CERS3: variants seen among roughly 807,000 people sequenced by gnomAD.
The protein encoded by CERS3 is LAG1 homolog, ceramide synthase 3.
CERS3 carries 33 observed loss-of-function variants against 50.3 expected under a neutral mutation model. That is an observed-to-expected ratio of 0.66 (90% CI 0.50 to 0.88). The LOEUF is 0.88. CERS3 is among the 40% of genes least tolerant of loss of function. The pLI, the probability that CERS3 is intolerant of heterozygous loss-of-function variation, is 0.00. For synonymous variants in CERS3, 176 were observed against 155.2 expected (o/e 1.13, Z -0.99); for missense variants, 470 against 460.3 (o/e 1.02, Z -0.19).
At chr15:100,458,324 C>T (rs1043877084) in intron 10 of CERS3, among the ~76,000 whole-genome samples, 10 of 152,150 alleles carry the variant, frequency 6.6e-5, no homozygotes. Flanking sequence ...GTGGCTCATG[C>T]CTGTAATCCC....
At chr15:100,440,359 A>G (rs1178066046) in intron 11 of CERS3, among the ~76,000 whole-genome samples, 2 of 152,286 alleles carry the variant, frequency 1.3e-5, no homozygotes, top group South Asian at 2.1e-4. Context: ...TTATCTTGTG[A>G]AATTCCTTCT....
In CERS3 at chr15:100,473,001, A is replaced by C; in HGVS notation, c.661T>G (p.Phe221Val). The change falls in exon 9 of 12, where the codon TTC (phenylalanine) becomes GTC (valine). Residue 221 changes from phenylalanine to valine, a missense_variant. Phe to Val is a conservative substitution (Grantham distance 50, BLOSUM62 -1). Transcript: ENST00000679737. ...CGAATATAATTAGCACACCAAGAGA[A>C]GCTCATCAGACTAATAGCAGCCAGG... The part of the protein sequence containing the change: ...HHLAAISLMS[F>V]SWCANYIRSG... 3 of 1,614,008 alleles carry C rather than the reference A, an allele frequency of 1.9e-6. No individual in the cohort carries two copies. The highest frequency in any genetic ancestry group is 2.5e-6 in the Non-Finnish European group (3 of 1,179,930).
intron 3 of CERS3, among the ~76,000 whole-genome samples, chr15:100,498,929 GT>G (rs2035914115): frequency 6.6e-6 from 1 of 152,224 alleles, no homozygotes; most frequent in African/African-American, 2.4e-5. Flanking sequence ...TGCGAGCAAA[GT>G]AGATCTCAGA....
chr15:100,529,414 G>GA (rs1224775008), upstream of CERS3: 1 of 152,206 alleles, frequency 6.6e-6, no homozygotes, highest in Admixed American at 6.5e-5. Flanking sequence ...TAGGAATTGA[G>GA]AAAACGATCA....
Position 100,402,423 on chromosome 15 carries a change from G to C in CERS3, c.*290C>G, listed in dbSNP as rs1332918809. ...GGTCTATAACAAAGCGAGCCCCTGAGAAAGTGACATGCATGAGGGAGTGCA... is the reference window on the plus strand; with the variant it reads ...GGTCTATAACAAAGCGAGCCCCTGACAAAGTGACATGCATGAGGGAGTGCA... On this transcript the variant is annotated 3_prime_UTR_variant, in exon 12 of 12. Coordinates refer to ENST00000679737, the MANE Select transcript of CERS3 (RefSeq NM_001378789.1). The C allele has an allele frequency of 1.1e-5, 4 of 355,490 alleles. No homozygotes were observed. The East Asian group carries it at 2.2e-4, about 20-fold the overall frequency. 22.0% of individuals were successfully genotyped at this position (355,490 alleles called of 1,614,324 possible). A position where few individuals can be genotyped will look rare whatever the true frequency, so the allele number is the denominator to read the frequency against.
chr15:100,459,460 C>T (rs577800289), intron 10 of CERS3, among the ~76,000 whole-genome samples: 11 of 152,160 alleles, frequency 7.2e-5, no homozygotes, highest in African/African-American at 2.2e-4. Flanking sequence ...AATACCTGGC[C>T]AATTTTTGTA....
At chr15:100,530,136 A>C (rs887490907), upstream of CERS3, among the ~76,000 whole-genome samples, 1 of 152,208 alleles carries the variant, frequency 6.6e-6, no homozygotes, top group African/African-American at 2.4e-5. Flanking sequence ...AATTTAAAGC[A>C]GACTTGGCCA....
chr15:100,441,145 C>T (rs1211402600), intron 11 of CERS3, among the ~76,000 whole-genome samples: 1 of 152,108 alleles, frequency 6.6e-6, no homozygotes, highest in Non-Finnish European at 1.5e-5. Flanking sequence ...ACACCCTGAC[C>T]TCTTATCTCT....
intron 3 of CERS3, among the ~76,000 whole-genome samples, chr15:100,493,637 T>G (rs1383169724): frequency 6.6e-6 from 1 of 152,152 alleles, no homozygotes; most frequent in East Asian, 1.9e-4. Flanking sequence ...TTTATTCTCT[T>G]CTCTCCTTCT....
intron 11 of CERS3, among the ~76,000 whole-genome samples, chr15:100,416,689 A>C (rs188422653): frequency 3.1e-4 from 47 of 152,280 alleles, no homozygotes; most frequent in Non-Finnish European, 6.6e-4. Flanking sequence ...ATGAGAACTC[A>C]CTATCACGAG....
rs1376365687 is a variant in CERS3 at position 100,400,639 on chromosome 15, C to T, written c.*2074G>A. ...GTTAAAATTGGTATATCAATTTTAC[C>T]TTCAACATTCAAATAAGAAAAAAAA... On this transcript the variant is annotated 3_prime_UTR_variant, in exon 12 of 12. Coordinates refer to ENST00000679737, the MANE Select transcript of CERS3 (RefSeq NM_001378789.1). The T allele has an allele frequency of 6.6e-6, 1 of 151,760 alleles. No homozygotes were observed. The highest frequency in any genetic ancestry group is 2.4e-5 in the African/African-American group (1 of 41,286). 9.4% of individuals were successfully genotyped at this position (151,760 alleles called of 1,614,324 possible).
intron 11 of CERS3, among the ~76,000 whole-genome samples, chr15:100,418,129 C>T (rs1057038871): frequency 6.2e-4 from 95 of 152,002 alleles, no homozygotes; most frequent in African/African-American, 2.2e-3. Flanking sequence ...GATCAAATTA[C>T]TCTGAGCTAC....
At chr15:100,501,557 C>A in intron 3 of CERS3, 120 bp downstream of exon 3, 1 of 782,558 alleles carries the variant, frequency 1.3e-6, no homozygotes, top group Middle Eastern at 3.0e-4. Flanking sequence ...AATCTGTGGC[C>A]CATTAGTGGC....
chr15:100,527,005 G>T (rs2142401152), intron 1 of CERS3, among the ~76,000 whole-genome samples: 1 of 152,204 alleles, frequency 6.6e-6, no homozygotes, highest in East Asian at 1.9e-4. Context: ...TTGAAGAATT[G>T]CACTGAGGCC....
At chr15:100,492,590 T>G (rs1265244229) in intron 3 of CERS3, among the ~76,000 whole-genome samples, 1 of 152,210 alleles carries the variant, frequency 6.6e-6, no homozygotes, top group African/African-American at 2.4e-5. Context: ...AACCTATTTG[T>G]GTCTTTAAAC....
chr15:100,407,994 CCT>C (rs1249418506), intron 11 of CERS3, among the ~76,000 whole-genome samples: 1 of 152,154 alleles, frequency 6.6e-6, no homozygotes, highest in African/African-American at 2.4e-5. Flanking sequence ...GCCTCAGCCC[CCT>C]GAGTAGCTGG....
chr15:100,479,556 C>G, intron 6 of CERS3, 78 bp from the exon 7 acceptor site: 1 of 1,051,604 alleles, frequency 9.5e-7, no homozygotes, highest in Non-Finnish European at 1.4e-6. Context: ...TGGCAGAAAA[C>G]CTAAGCTCTT....
intron 5 of CERS3, among the ~76,000 whole-genome samples, chr15:100,483,775 A>T (rs1406486771): frequency 6.8e-3 from 124 of 18,156 alleles, no homozygotes; most frequent in Non-Finnish European, 0.012. Flanking sequence ...AATAATAATA[A>T]TTATTATTAT....
At chr15:100,474,428 C>T (rs752204803) in intron 8 of CERS3, among the ~76,000 whole-genome samples, 9 of 150,010 alleles carry the variant, frequency 6.0e-5, no homozygotes, top group Non-Finnish European at 1.0e-4. Flanking sequence ...TTTTTTGAGA[C>T]GGAGTCTTGC....
Sources: gnomAD v4.1 joint callset for allele counts (sites outside exome capture counted in the v4.1 genomes callset) on GRCh38, gnomAD v4.1.1 for gene constraint, MANE v1.5 for transcripts, NCBI Gene and HGNC (gene_info 2026-07-23, HGNC 2026-07-21) for gene names.